Variants in PLCL1 observed in about 807,000 individuals in gnomAD.
The protein encoded by PLCL1 is inactive phospholipase C-like protein 1.
In PLCL1, 41 loss-of-function variants were observed where a neutral mutation model predicts 84.4. The ratio of observed to expected loss-of-function variants is 0.49; its 90% confidence interval spans 0.38 to 0.63. The LOEUF (loss-of-function observed/expected upper bound fraction) is 0.63, where lower values mean the gene tolerates loss of function less well. Ranked by LOEUF, PLCL1 falls within the 30% of genes least tolerant of loss-of-function variation. The probability of loss-of-function intolerance (pLI) is 0.00; values close to 1 mark genes in which losing one functional copy is unlikely to be tolerated. For missense variants in PLCL1, 1,206 were observed against 1,367.8 expected (o/e 0.88, Z 1.87); for synonymous variants, 490 against 488.3 (o/e 1.00, Z -0.05).
chr2:198,114,444 A>G (rs1008421562), intron 5 of PLCL1, among the ~76,000 whole-genome samples: 19 of 151,842 alleles, frequency 1.3e-4, no homozygotes, highest in African/African-American at 4.6e-4. Flanking sequence ...ATCATAGACC[A>G]GAGGACTTGG....
At chr2:197,878,473 C>T (rs560884614) in intron 1 of PLCL1, among the ~76,000 whole-genome samples, 4 of 152,122 alleles carry the variant, frequency 2.6e-5, no homozygotes, top group African/African-American at 4.8e-5. Flanking sequence ...TTGTTAAGAG[C>T]AAGGTCAACT....
intron 1 of PLCL1, among the ~76,000 whole-genome samples, chr2:197,922,823 G>A (rs1467038716): frequency 1.5e-5 from 2 of 134,326 alleles, no homozygotes; most frequent in African/African-American, 2.7e-5. Flanking sequence ...GCCGGGCAGA[G>A]GGGCTCCTCA....
intron 1 of PLCL1, among the ~76,000 whole-genome samples, chr2:197,895,505 C>G (rs982937441): frequency 7.2e-5 from 11 of 151,874 alleles, no homozygotes; most frequent in Middle Eastern, 3.4e-3. Context: ...GACGTAGTTG[C>G]TTTTGTGATA....
At chr2:197,873,591 G>A (rs540180173) in intron 1 of PLCL1, among the ~76,000 whole-genome samples, 47 of 152,250 alleles carry the variant, frequency 3.1e-4, no homozygotes, top group African/African-American at 1.1e-3. Context: ...ACCCTTATTT[G>A]TGGCTATCCC....
chr2:198,012,698 C>A (rs1262077446), intron 1 of PLCL1, among the ~76,000 whole-genome samples: 1 of 149,568 alleles, frequency 6.7e-6, no homozygotes, highest in East Asian at 1.9e-4. Context: ...CTCTCATTTT[C>A]CTTTGTGTGT....
At chr2:197,847,256 T>A (rs189343664) in intron 1 of PLCL1, among the ~76,000 whole-genome samples, 1 of 152,286 alleles carries the variant, frequency 6.6e-6, no homozygotes, top group East Asian at 1.9e-4. Context: ...TTTTAATGTT[T>A]GTTTCATATT....
At chr2:198,083,383 T>C (rs187593743) in intron 1 of PLCL1, among the ~76,000 whole-genome samples, 1 of 152,290 alleles carries the variant, frequency 6.6e-6, no homozygotes, top group African/African-American at 2.4e-5. Flanking sequence ...AGAGTATAAA[T>C]GAGGAAACCT....
intron 1 of PLCL1, among the ~76,000 whole-genome samples, chr2:197,922,019 A>ATTTATTTTTTT: frequency 1.2e-5 from 1 of 80,460 alleles, no homozygotes; most frequent in Non-Finnish European, 2.8e-5. Flanking sequence ...TTTTTTTTTA[A>ATTTATTTTTTT]ATTTATTTTT....
intron 1 of PLCL1, among the ~76,000 whole-genome samples, chr2:197,812,025 T>C (rs1044999447): frequency 6.6e-6 from 1 of 152,182 alleles, no homozygotes; most frequent in Non-Finnish European, 1.5e-5. Flanking sequence ...TTCATGTGTA[T>C]TTAGTGTTTA....
chr2:197,898,848 T>C (rs1345495690), intron 1 of PLCL1, among the ~76,000 whole-genome samples: 2 of 151,414 alleles, frequency 1.3e-5, no homozygotes, highest in African/African-American at 4.9e-5. Flanking sequence ...AGGATAATAA[T>C]AGTATTTACT....
At chr2:198,039,374 A>G (rs1162139503) in intron 1 of PLCL1, among the ~76,000 whole-genome samples, 6 of 152,182 alleles carry the variant, frequency 3.9e-5, no homozygotes, top group African/African-American at 1.2e-4. Context: ...GTTATGTTGA[A>G]ATCTTATTCC....
intron 1 of PLCL1, among the ~76,000 whole-genome samples, chr2:198,016,217 G>T (rs1163547599): frequency 6.6e-6 from 1 of 152,076 alleles, no homozygotes; most frequent in Admixed American, 6.5e-5. Flanking sequence ...TTACTTCTAG[G>T]GTCAAGGTGG....
At chr2:198,066,624 C>T (rs1475652164) in intron 1 of PLCL1, among the ~76,000 whole-genome samples, 1 of 152,200 alleles carries the variant, frequency 6.6e-6, no homozygotes, top group East Asian at 1.9e-4. Flanking sequence ...ACTTTCACTT[C>T]TTTGCCTTAA....
At chr2:198,098,124 G>GT (rs1693245778) in intron 3 of PLCL1, among the ~76,000 whole-genome samples, 1 of 152,004 alleles carries the variant, frequency 6.6e-6, no homozygotes, top group Non-Finnish European at 1.5e-5. Flanking sequence ...TCGAAACCTA[G>GT]TTTTTTTGCT....
In PLCL1 at chr2:198,086,251, C is replaced by A; in HGVS notation, c.2715+19C>A. On this transcript the variant is annotated intron_variant, in intron 2 of 5. Transcript: ENST00000428675. ...TATGCAGGTAGGAGAAACACTCACA[C>A]TCTCCTTCCCTATCCCTGCTTATTC... The A allele has an allele frequency of 1.4e-6, 2 of 1,462,470 alleles. No individual in the cohort carries two copies. The highest frequency in any genetic ancestry group is 9.5e-7 in the Non-Finnish European group (1 of 1,049,566). The allele number at this position is 1,462,470 out of a possible 1,614,324, so 90.6% of individuals were successfully genotyped here.
chr2:198,132,668 T>C (rs1694147387), intron 5 of PLCL1, among the ~76,000 whole-genome samples: 1 of 152,182 alleles, frequency 6.6e-6, no homozygotes. Context: ...GGTGAATTTT[T>C]TCCAGGCATA....
chr2:197,821,981 C>T (rs150443606), intron 1 of PLCL1, among the ~76,000 whole-genome samples: 361 of 152,222 alleles, frequency 2.4e-3, no homozygotes, highest in African/African-American at 8.3e-3. Flanking sequence ...GACCAGAACA[C>T]GGCTCATGTG....
chr2:198,148,671 T>C lies in PLCL1; in HGVS notation c.*1709T>C, dbSNP rs1219947944. On this transcript the variant is annotated 3_prime_UTR_variant, in exon 6 of 6. Coordinates refer to ENST00000428675, the MANE Select transcript of PLCL1 (RefSeq NM_006226.4). ...AGGAGGAATAGTGGAATGCAGGTGT[T>C]AAGCCCTTTGTGGTGAAAAAGAGGT... 1 of 152,338 alleles carries C rather than the reference T, an allele frequency of 6.6e-6. No homozygotes were observed. Among genetic ancestry groups the C allele is most frequent in the Non-Finnish European group, 1.5e-5 (1 of 68,026 alleles). The allele number at this position is 152,338 out of a possible 1,614,324, so 9.4% of individuals were successfully genotyped here.
intron 1 of PLCL1, among the ~76,000 whole-genome samples, chr2:197,996,137 G>A (rs1304286089): frequency 6.6e-6 from 1 of 152,058 alleles, no homozygotes; most frequent in Non-Finnish European, 1.5e-5. Context: ...AAAGGAGGGA[G>A]AAGAAAGATG....
Sources: gnomAD v4.1 joint callset for allele counts (sites outside exome capture counted in the v4.1 genomes callset) on GRCh38, gnomAD v4.1.1 for gene constraint, MANE v1.5 for transcripts, NCBI Gene and HGNC (gene_info 2026-07-23, HGNC 2026-07-21) for gene names.